Variants in OR14J1 observed in about 807,000 individuals in gnomAD.
OR14J1 encodes the protein olfactory receptor 14J1.
For synonymous variants in OR14J1, 140 were observed against 146.7 expected, an observed-to-expected ratio of 0.95 and a Z score of 0.33; for missense variants, 378 against 393.4, an observed-to-expected ratio of 0.96 and a Z score of 0.33.
chr6:29,307,293 A>G lies in OR14J1; in HGVS notation c.604A>G (p.Thr202Ala). 1 of 1,612,866 alleles carries G rather than the reference A, an allele frequency of 6.2e-7. No homozygotes were observed. The highest frequency in any genetic ancestry group is 8.5e-7 in the Non-Finnish European group (1 of 1,179,898). Residue 202 changes from threonine (T) to alanine (A), a missense_variant, in exon 2 of 2, where the codon ACG becomes GCG. Physicochemically the swap from Thr to Ala is moderately conservative, Grantham distance 58 (BLOSUM62 0). Transcript: ENST00000641895. ...TGAGATTGCACTGGCTGCATTCACAACGTCTGCAGCATTTATCTGTTTGAT... is the reference window on the plus strand; with the variant it reads ...TGAGATTGCACTGGCTGCATTCACAGCGTCTGCAGCATTTATCTGTTTGAT... ...INEIALAAFT[T>A]SAAFICLISI...
Position 29,312,017 on chromosome 6 carries a change from G to A in OR14J1, c.*4362G>A, listed in dbSNP as rs190761562. 1.1e-4 allele frequency: 16 copies of A among 151,900 alleles called. No individual in the cohort carries two copies. The highest frequency in any genetic ancestry group is 2.2e-4 in the Non-Finnish European group (15 of 67,950). The allele number at this position is 151,900 out of a possible 1,614,324, so 9.4% of individuals were successfully genotyped here. On this transcript the variant is annotated 3_prime_UTR_variant, in exon 2 of 2. Transcript: ENST00000641895. The stretch of plus-strand genomic sequence containing the variant: ...TCTCTCTTGTCTTCTTTATTAGTCT[G>A]GCTAGCAGTCTACTTTGTTAATTAT...
At chr6:29,306,634 T>C (rs1775102863) in intron 1 of OR14J1, 28 bp from the exon 2 acceptor site, 1 of 1,075,528 alleles carries the variant, frequency 9.3e-7, no homozygotes, top group Non-Finnish European at 1.4e-6. Flanking sequence ...ATGCATTTTC[T>C]TCCTACTGTC....
At position 29,306,667 on chromosome 6, in the gene OR14J1, C is replaced by T. The variant is rs1457905798; in HGVS notation, c.-23C>T. 3 of 1,507,402 alleles carry T rather than the reference C, an allele frequency of 2.0e-6. No individual in the cohort carries two copies. Among genetic ancestry groups the T allele is most frequent in the Admixed American group, 1.7e-5 (1 of 58,784 alleles). 93.4% of individuals were successfully genotyped at this position (1,507,402 alleles called of 1,614,324 possible). On this transcript the variant is annotated 5_prime_UTR_variant, in exon 2 of 2. Coordinates refer to ENST00000641895, the MANE Select transcript of OR14J1 (RefSeq NM_030946.2). ...GTCTTTGGCTTCCTAAACAGAGTCA[C>T]ACTTGGTATCTTCAGAGAGACTATG...
rs1168676340 is a variant in OR14J1, at chr6:29,311,792, G to C, written c.*4137G>C. The C allele has an allele frequency of 6.6e-6, 1 of 152,136 alleles. No homozygotes were observed. Among genetic ancestry groups the C allele is most frequent in the Non-Finnish European group, 1.5e-5 (1 of 68,014 alleles). 9.4% of individuals were successfully genotyped at this position (152,136 alleles called of 1,614,324 possible). On this transcript the variant is annotated 3_prime_UTR_variant, in exon 2 of 2. Transcript: ENST00000641895. Reference sequence around the variant, plus strand: ...AACTACTACCTCCATTTCAGAACATGTTATTGGTCTATTCAGGCATTAGAC... The same window carrying C: ...AACTACTACCTCCATTTCAGAACATCTTATTGGTCTATTCAGGCATTAGAC...
At chr6:29,305,096 C>T (rs1582258854) in intron 1 of OR14J1, among the ~76,000 whole-genome samples, 1 of 152,002 alleles carries the variant, frequency 6.6e-6, no homozygotes, top group Admixed American at 6.6e-5. Context: ...AGAAAGTAAC[C>T]CCTGTTTTCC....
chr6:29,307,600 C>T lies in OR14J1; in HGVS notation c.911C>T (p.Ser304Leu), dbSNP rs1448135696. The T allele has an allele frequency of 1.2e-6, 2 of 1,609,634 alleles. No individual in the cohort carries two copies. The highest frequency in any genetic ancestry group is 2.2e-5 in the South Asian group (2 of 90,782). ...SMKAALRKMLSKEELPQRKMC... is the reference protein window; with the variant it reads ...SMKAALRKMLLKEELPQRKMC... ...AAGGCAGCACTGAGGAAGATGCTGT[C>T]AAAGGAAGAGCTTCCTCAGAGAAAA... The change falls in exon 2 of 2, where the codon TCA becomes TTA. Residue 304 changes from serine (S) to leucine (L), a missense_variant. Coordinates refer to ENST00000641895, the MANE Select transcript of OR14J1 (RefSeq NM_030946.2).
Position 29,307,562 on chromosome 6 carries a change from G to T in OR14J1, c.873G>T (p.Arg291=). 6.2e-7 allele frequency: 1 copy of T among 1,612,706 alleles called. No individual in the cohort carries two copies. Among genetic ancestry groups the T allele is most frequent in the Non-Finnish European group, 8.5e-7 (1 of 1,180,006 alleles). The change falls in exon 2 of 2, where the codon CGG becomes CGT. Residue 291 remains arginine (R), a synonymous_variant. Coordinates refer to ENST00000641895, the MANE Select transcript of OR14J1 (RefSeq NM_030946.2). ...TCAATCCAGTCATTTATAGCTTACG[G>T]AATGATTCCATGAAGGCAGCACTGA... ...PTLNPVIYSL[R]NDSMKAALRK...
Position 29,307,477 on chromosome 6 carries a change from A to T in OR14J1, c.788A>T (p.Asp263Val). The T allele has an allele frequency of 6.2e-7, 1 of 1,612,936 alleles. No homozygotes were observed. The highest frequency in any genetic ancestry group is 8.5e-7 in the Non-Finnish European group (1 of 1,180,010). Residue 263 changes from aspartate to valine, a missense_variant, in exon 2 of 2, where the codon GAT (aspartate) becomes GTT (valine). Asp to Val is a radical substitution (Grantham distance 152). Transcript: ENST00000641895. ...AGFEFLRLPS[D>V]SSSTVDLVFS... ...TTTGAGTTTCTCAGACTGCCTTCTG[A>T]TTCCTCATCGACTGTGGACCTTGTA...
intron 1 of OR14J1, 99 bp from the exon 2 acceptor site, chr6:29,306,563 T>C (rs113587888): frequency 0.012 from 8,270 of 673,458 alleles, 123 homozygotes; most frequent in African/African-American, 0.061. Flanking sequence ...TAAATTCATC[T>C]CATTTCAGTA....
In OR14J1 at chr6:29,310,919, A is replaced by C. The variant is rs975138308; in HGVS notation, c.*3264A>C. 16 of 151,718 alleles carry C rather than the reference A, an allele frequency of 1.1e-4. No individual in the cohort carries two copies. Among genetic ancestry groups the C allele is most frequent in the Non-Finnish European group, 1.9e-4 (13 of 67,926 alleles). 9.4% of individuals were successfully genotyped at this position (151,718 alleles called of 1,614,324 possible). A position where few individuals can be genotyped will look rare whatever the true frequency, so the allele number is the denominator to read the frequency against. On this transcript the variant is annotated 3_prime_UTR_variant, in exon 2 of 2. Transcript: ENST00000641895. ...GATTTGGCTCTCTGTTTTTTTTATT[A>C]TTGGTGTATAGGAATGCTTGTGGTT...
rs367852868 is a variant in OR14J1 at position 29,307,053 on chromosome 6, G to T, written c.364G>T (p.Ala122Ser). 2 of 1,612,906 alleles carry T rather than the reference G, an allele frequency of 1.2e-6. No individual in the cohort carries two copies. Among genetic ancestry groups the T allele is most frequent in the Non-Finnish European group, 1.7e-6 (2 of 1,179,904 alleles). Residue 122 changes from alanine to serine, a missense_variant, in exon 2 of 2, where the codon GCA becomes TCA. Physicochemically the swap from Ala to Ser is moderately conservative, Grantham distance 99. Coordinates refer to ENST00000641895, the MANE Select transcript of OR14J1 (RefSeq NM_030946.2). ...CACAGTGATGTCTTATGACAGGTACGCAGCAATCTGTCAACCACTTCATTA... is the reference window on the plus strand; with the variant it reads ...CACAGTGATGTCTTATGACAGGTACTCAGCAATCTGTCAACCACTTCATTA... Reference protein sequence around the residue: ...ILTVMSYDRYAAICQPLHYET... With the variant: ...ILTVMSYDRYSAICQPLHYET...
At position 29,307,518 on chromosome 6, in the gene OR14J1, A is replaced by G; in HGVS notation, c.829A>G (p.Thr277Ala). 3 of 1,612,906 alleles carry G rather than the reference A, an allele frequency of 1.9e-6. No individual in the cohort carries two copies. Among genetic ancestry groups the G allele is most frequent in the Non-Finnish European group, 2.5e-6 (3 of 1,179,944 alleles). Reference sequence around the variant, plus strand: ...GGACCTTGTATTCTCCGTATTCTATACTGTGATACCTCCAACACTCAATCC... The same window carrying G: ...GGACCTTGTATTCTCCGTATTCTATGCTGTGATACCTCCAACACTCAATCC... ...TVDLVFSVFY[T>A]VIPPTLNPVI... The change falls in exon 2 of 2, where the codon ACT (threonine) becomes GCT (alanine). Residue 277 changes from threonine to alanine, a missense_variant. Coordinates refer to ENST00000641895, the MANE Select transcript of OR14J1 (RefSeq NM_030946.2).
intron 1 of OR14J1, among the ~76,000 whole-genome samples, chr6:29,304,649 A>G (rs953060690): frequency 9.8e-5 from 15 of 152,316 alleles, no homozygotes; most frequent in Middle Eastern, 6.8e-3. Flanking sequence ...GAAATTTTCC[A>G]TTTATTAATC....
At position 29,310,529 on chromosome 6, in the gene OR14J1, T is replaced by C. The variant is rs1332861209; in HGVS notation, c.*2874T>C. The C allele has an allele frequency of 6.6e-6, 1 of 152,216 alleles. No homozygotes were observed. Among genetic ancestry groups the C allele is most frequent in the Non-Finnish European group, 1.5e-5 (1 of 68,036 alleles). The allele number at this position is 152,216 out of a possible 1,614,324, so 9.4% of individuals were successfully genotyped here. ...TGGTTACTGTAGCTTTGTAGTATACTTTGAAGTCAGGTAGCATGATGCTTC... is the reference window on the plus strand; with the variant it reads ...TGGTTACTGTAGCTTTGTAGTATACCTTGAAGTCAGGTAGCATGATGCTTC... On this transcript the variant is annotated 3_prime_UTR_variant, in exon 2 of 2. Transcript: ENST00000641895.
At chr6:29,306,266 T>C (rs1775076818) in intron 1 of OR14J1, among the ~76,000 whole-genome samples, 1 of 152,170 alleles carries the variant, frequency 6.6e-6, no homozygotes, top group Admixed American at 6.5e-5. Context: ...ATTTGCAAGG[T>C]GGTATCAATA....
chr6:29,304,185 A>G (rs1228561692), intron 1 of OR14J1, among the ~76,000 whole-genome samples: 2 of 152,202 alleles, frequency 1.3e-5, no homozygotes, highest in Non-Finnish European at 2.9e-5. Context: ...TGAAGAAGAG[A>G]CACAGGATGC....
rs914810282 is a variant in OR14J1 at position 29,311,732 on chromosome 6, T to C, written c.*4077T>C. On this transcript the variant is annotated 3_prime_UTR_variant, in exon 2 of 2. Coordinates refer to ENST00000641895, the MANE Select transcript of OR14J1 (RefSeq NM_030946.2). ...GCGGTAGAATTCGTCTGTGAATCTG[T>C]CTGGTTCTGGGCTTTTCTTGGTTGG... 2.0e-5 allele frequency: 3 copies of C among 152,206 alleles called. No individual in the cohort carries two copies. The highest frequency in any genetic ancestry group is 6.5e-5 in the Admixed American group (1 of 15,280). The allele number at this position is 152,206 out of a possible 1,614,324, so 9.4% of individuals were successfully genotyped here. A position where few individuals can be genotyped will look rare whatever the true frequency, so the allele number is the denominator to read the frequency against.
In OR14J1 at chr6:29,310,421, G is replaced by T. The variant is rs1775425409; in HGVS notation, c.*2766G>T. Reference sequence around the variant, plus strand: ...CAAGTTTGTCAAAGATCAGATGGTTGTAGATGTGTGGCATTATTTCTGAGG... The same window carrying T: ...CAAGTTTGTCAAAGATCAGATGGTTTTAGATGTGTGGCATTATTTCTGAGG... On this transcript the variant is annotated 3_prime_UTR_variant, in exon 2 of 2. Transcript: ENST00000641895. 6.6e-6 allele frequency: 1 copy of T among 152,168 alleles called. No homozygotes were observed. 9.4% of individuals were successfully genotyped at this position (152,168 alleles called of 1,614,324 possible). A position where few individuals can be genotyped will look rare whatever the true frequency, so the allele number is the denominator to read the frequency against.
intron 1 of OR14J1, 103 bp from the exon 2 acceptor site, chr6:29,306,559 C>A (rs978930908): frequency 5.1e-5 from 34 of 666,622 alleles, no homozygotes; most frequent in Middle Eastern, 3.3e-4. Context: ...AAAATAAATT[C>A]ATCTCATTTC....
Sources: gnomAD v4.1 joint callset for allele counts (sites outside exome capture counted in the v4.1 genomes callset) on GRCh38, gnomAD v4.1.1 for gene constraint, MANE v1.5 for transcripts, NCBI Gene and HGNC (gene_info 2026-07-23, HGNC 2026-07-21) for gene names.